SETD6: variants seen among roughly 807,000 people sequenced by gnomAD.
SETD6 encodes SET domain containing 6, protein lysine methyltransferase.
SETD6 carries 67 observed loss-of-function variants against 52.7 expected under a neutral mutation model. The observed-to-expected ratio is 1.27, with a 90% CI of 1.04 to 1.56. The LOEUF (loss-of-function observed/expected upper bound fraction) is 1.56, where lower values mean the gene tolerates loss of function less well. Ranked by LOEUF, SETD6 falls within the 40% of genes most tolerant of loss-of-function variation. The pLI is 0.00. For synonymous variants in SETD6, 307 were observed against 250.2 expected (o/e 1.23, Z -2.14); for missense variants, 712 against 607.5 (o/e 1.17, Z -1.81).
In SETD6 at chr16:58,518,784, G is replaced by T. The variant is rs754049874; in HGVS notation, c.1177G>T (p.Asp393Tyr). The change falls in exon 8 of 8, where the codon GAT (aspartate) becomes TAT (tyrosine). Residue 393 changes from aspartate (D) to tyrosine (Y), a missense_variant. Coordinates refer to ENST00000219315, the MANE Select transcript of SETD6 (RefSeq NM_001160305.4). ...ELKDQDGGGD[D>Y]KREEGSLTIT... is the part of the protein sequence containing the mutation. Reference sequence around the variant, plus strand: ...TAAAGACCAGGATGGAGGGGGAGATGATAAAAGGGAAGAGGGCAGCCTGAC... The same window carrying T: ...TAAAGACCAGGATGGAGGGGGAGATTATAAAAGGGAAGAGGGCAGCCTGAC... 6.2e-7 allele frequency: 1 copy of T among 1,614,144 alleles called. No individual in the cohort carries two copies. The highest frequency in any genetic ancestry group is 1.7e-5 in the Admixed American group (1 of 60,024).
In SETD6 at chr16:58,521,581, G is replaced by GTCA. The variant is rs1408875065; in HGVS notation, c.*2552_*2553insTCA. ...TACCTCACAGCTGTTCAGAATAAGG[G>GTCA]GTGATGGGGGAGAGGAAGCCACATA... On this transcript the variant is annotated 3_prime_UTR_variant, in exon 8 of 8. Coordinates refer to ENST00000219315, the MANE Select transcript of SETD6 (RefSeq NM_001160305.4). Among the ~76,000 whole-genome samples the GTCA allele has an allele frequency of 4.6e-5, 7 of 152,158 alleles. No homozygotes were observed. The highest frequency in any genetic ancestry group is 8.8e-5 in the Non-Finnish European group (6 of 68,034).
In SETD6 at chr16:58,519,032, G is replaced by GTTTCGCTGTTCCTT. The variant is rs1207871937; in HGVS notation, c.*7_*8insGCTGTTCCTTTTTC. The stretch of plus-strand genomic sequence containing the variant: ...AGTTGTTGGAGCTGACAAGTTAGCA[G>GTTTCGCTGTTCCTT]TTTCCCTGTTCCCTGAAGGAACAGC... On this transcript the variant is annotated 3_prime_UTR_variant, in exon 8 of 8. Transcript: ENST00000219315. The GTTTCGCTGTTCCTT allele has an allele frequency of 1.2e-6, 2 of 1,605,228 alleles. No individual in the cohort carries two copies. The highest frequency in any genetic ancestry group is 8.5e-7 in the Non-Finnish European group (1 of 1,174,992).
Position 58,522,767 on chromosome 16 carries a change from G to A in SETD6, c.*3738G>A, listed in dbSNP as rs1555492850. On this transcript the variant is annotated 3_prime_UTR_variant, in exon 8 of 8. Transcript: ENST00000219315. ...GACTGGTTATCACCACCACCTCAGA[G>A]AAACTCCTGACCTTTAATCAAAATG... Among the ~76,000 whole-genome samples, 1 of 152,202 alleles carries A rather than the reference G, an allele frequency of 6.6e-6. No individual in the cohort carries two copies. The highest frequency in any genetic ancestry group is 1.5e-5 in the Non-Finnish European group (1 of 68,044).
chr16:58,522,062 G>A lies in SETD6; in HGVS notation c.*3033G>A, dbSNP rs1471586195. On this transcript the variant is annotated 3_prime_UTR_variant, in exon 8 of 8. Coordinates refer to ENST00000219315, the MANE Select transcript of SETD6 (RefSeq NM_001160305.4). ...AGGCTGGGCACAGTGACTCACGCCT[G>A]TAATCCCAGCACTCTGGGAGGCCAA... is the stretch of plus-strand genomic sequence containing the variant. 6.6e-6 allele frequency among the ~76,000 whole-genome samples: 1 copy of A among 151,730 alleles called. No individual in the cohort carries two copies. The highest frequency in any genetic ancestry group is 2.4e-5 in the African/African-American group (1 of 41,300).
At position 58,515,816 on chromosome 16, in the gene SETD6, A is replaced by G; in HGVS notation, c.53A>G (p.Asp18Gly). ...PRVAGPVDGG[D>G]LDPVACFLSW... The stretch of plus-strand genomic sequence containing the variant: ...GTGGCGGGGCCCGTGGACGGCGGCG[A>G]CCTGGATCCTGTGGCCTGCTTCCTG... The change falls in exon 2 of 8, where the codon GAC becomes GGC. Residue 18 changes from aspartate (D) to glycine (G), a missense_variant. Transcript: ENST00000219315. 6.5e-7 allele frequency: 1 copy of G among 1,530,830 alleles called. No homozygotes were observed. The highest frequency in any genetic ancestry group is 2.6e-5 in the East Asian group (1 of 38,824). The allele number at this position is 1,530,830 out of a possible 1,614,324, so 94.8% of individuals were successfully genotyped here.
chr16:58,519,145 G>A lies in SETD6; in HGVS notation c.*116G>A. The A allele has an allele frequency of 9.3e-7, 1 of 1,073,958 alleles. No homozygotes were observed. The highest frequency in any genetic ancestry group is 2.6e-5 in the East Asian group (1 of 38,460). 66.5% of individuals were successfully genotyped at this position (1,073,958 alleles called of 1,614,324 possible). On this transcript the variant is annotated 3_prime_UTR_variant, in exon 8 of 8. Transcript: ENST00000219315. ...TTCTTTTGCTTACTAAACACCAAGA[G>A]GAAAAGTAGCAAAGTTGGTGTGCTA...
At position 58,516,039 on chromosome 16, in the gene SETD6, G is replaced by A. The variant is rs1271658201; in HGVS notation, c.276G>A (p.Val92=). The A allele has an allele frequency of 2.6e-6, 4 of 1,517,148 alleles. No individual in the cohort carries two copies. The Admixed American group carries it at 8.3e-5, about 32-fold the overall frequency. 94.0% of individuals were successfully genotyped at this position (1,517,148 alleles called of 1,614,324 possible). A position where few individuals can be genotyped will look rare whatever the true frequency, so the allele number is the denominator to read the frequency against. ...SVQAGELLFV[V]PRAALLSQHT... ...AGGCCGGAGAGCTGTTGTTCGTGGTGCCGCGGGCCGCGCTCCTGTCGCAGC... is the reference window on the plus strand; with the variant it reads ...AGGCCGGAGAGCTGTTGTTCGTGGTACCGCGGGCCGCGCTCCTGTCGCAGC... Residue 92 remains valine, a synonymous_variant, in exon 2 of 8, where the codon GTG becomes GTA. Coordinates refer to ENST00000219315, the MANE Select transcript of SETD6 (RefSeq NM_001160305.4).
intron 5 of SETD6, chr16:58,517,311 C>T (rs1212721699): frequency 6.3e-6 from 2 of 317,736 alleles, no homozygotes; most frequent in Non-Finnish European, 1.2e-5. Flanking sequence ...GGCCAAAGGT[C>T]TAAGACGATC....
rs1344664449 is a variant in SETD6 at position 58,518,880 on chromosome 16, C to T, written c.1273C>T (p.Gln425Ter). Residue 425 changes from glutamine to a stop codon, truncating the protein, a stop_gained, in exon 8 of 8, where the codon CAG (glutamine) becomes TAG (stop). Coordinates refer to ENST00000219315, the MANE Select transcript of SETD6 (RefSeq NM_001160305.4). LOFTEE classifies it high-confidence loss of function. Reference protein sequence around the residue: ...LLQNSVLLTLQTYATDLKTDQ... With the variant: ...LLQNSVLLTL ...TCAAAACAGTGTTCTACTGACTTTG[C>T]AGACCTATGCCACAGACTTAAAAAC... 4 of 1,614,082 alleles carry T rather than the reference C, an allele frequency of 2.5e-6. No homozygotes were observed. In the East Asian group the frequency reaches 6.7e-5, roughly 27 times the overall value.
Position 58,523,362 on chromosome 16 carries a change from T to A in SETD6, c.*4333T>A. The A allele has an allele frequency of 6.4e-7, 1 of 1,567,024 alleles. No individual in the cohort carries two copies. Among genetic ancestry groups the A allele is most frequent in the Non-Finnish European group, 8.6e-7 (1 of 1,156,554 alleles). ...TTGAAGCATTTAAAAAATAAGCTGC[T>A]CGCTTACCTTGTGATCTGTTCTTGG... On this transcript the variant is annotated 3_prime_UTR_variant, in exon 8 of 8. Transcript: ENST00000219315.
At chr16:58,517,864 T>G in intron 5 of SETD6, 187 bp from the exon 6 acceptor site, 1 of 673,620 alleles carries the variant, frequency 1.5e-6, no homozygotes, top group South Asian at 1.9e-5. Flanking sequence ...GCTGGCCTTT[T>G]AAAGTTAGCC....
rs7792 is a variant in SETD6, at chr16:58,520,237, G to T, written c.*1208G>T. On this transcript the variant is annotated 3_prime_UTR_variant, in exon 8 of 8. Transcript: ENST00000219315. ...GTTTTTAAGTTTCAGGAGAGGATTG[G>T]GGGGGTGAGGGTAGGGGTGGGCTTT... 0.65 allele frequency: 97,961 copies of T among 151,446 alleles called. 32,789 individuals are homozygous for T. The highest frequency in any genetic ancestry group is 0.97 in the East Asian group (4,973 of 5,140). 9.4% of individuals were successfully genotyped at this position (151,446 alleles called of 1,614,324 possible).
chr16:58,517,047 C>G (rs777458084), intron 5 of SETD6, 119 bp downstream of exon 5: 2 of 1,404,758 alleles, frequency 1.4e-6, no homozygotes, highest in South Asian at 2.3e-5. Flanking sequence ...CCTGTATGTC[C>G]TTTTAGTATG....
At position 58,523,691 on chromosome 16, in the gene SETD6, A is replaced by T; in HGVS notation, c.*4662A>T. On this transcript the variant is annotated 3_prime_UTR_variant, in exon 8 of 8. Coordinates refer to ENST00000219315, the MANE Select transcript of SETD6 (RefSeq NM_001160305.4). Reference sequence around the variant, plus strand: ...TTATTTCAGAATTTTCCACATTAGAAATTAGATTTTAAAAATATTCATTTT... The same window carrying T: ...TTATTTCAGAATTTTCCACATTAGATATTAGATTTTAAAAATATTCATTTT... 1 of 467,188 alleles carries T rather than the reference A, an allele frequency of 2.1e-6. No homozygotes were observed. Among genetic ancestry groups the T allele is most frequent in the South Asian group, 4.7e-5 (1 of 21,166 alleles). 28.9% of individuals were successfully genotyped at this position (467,188 alleles called of 1,614,324 possible).
Position 58,518,395 on chromosome 16 carries a change from C to T in SETD6, c.974-6C>T. 6.3e-7 allele frequency: 1 copy of T among 1,580,322 alleles called. No homozygotes were observed. Among genetic ancestry groups the T allele is most frequent in the Non-Finnish European group, 8.6e-7 (1 of 1,168,498 alleles). Reference sequence around the variant, plus strand: ...TGAGACTTTCACATTGCTGTTTCATCTACAGGAACAAAAACTGAAGCTGAA... The same window carrying T: ...TGAGACTTTCACATTGCTGTTTCATTTACAGGAACAAAAACTGAAGCTGAA... On this transcript the variant is annotated splice_region_variant and splice_polypyrimidine_tract_variant and intron_variant, in intron 6 of 7. Transcript: ENST00000219315.
Position 58,523,252 on chromosome 16 carries a change from C to CAA in SETD6, c.*4232_*4233dup. The CAA allele has an allele frequency of 7.2e-5, 74 of 1,027,056 alleles. No individual in the cohort carries two copies. Among genetic ancestry groups the CAA allele is most frequent in the Admixed American group, 9.6e-5 (3 of 31,116 alleles). The allele number at this position is 1,027,056 out of a possible 1,614,324, so 63.6% of individuals were successfully genotyped here. ...AGAGCAACACTCCGTCTCAAAAAAA[C>CAA]AAAAAAAAAACCAACCAAACGGATT... On this transcript the variant is annotated 3_prime_UTR_variant, in exon 8 of 8. Transcript: ENST00000219315.
Position 58,520,839 on chromosome 16 carries a change from T to C in SETD6, c.*1810T>C. 2.0e-6 allele frequency: 2 copies of C among 1,012,024 alleles called. No homozygotes were observed. The highest frequency in any genetic ancestry group is 3.0e-6 in the Non-Finnish European group (2 of 662,720). 62.7% of individuals were successfully genotyped at this position (1,012,024 alleles called of 1,614,324 possible). A position where few individuals can be genotyped will look rare whatever the true frequency, so the allele number is the denominator to read the frequency against. On this transcript the variant is annotated 3_prime_UTR_variant, in exon 8 of 8. Transcript: ENST00000219315. The stretch of plus-strand genomic sequence containing the variant: ...TGATCCCAACAGTAGTTGGGGCAGA[T>C]ACCCACAAACCAAAGGGCTGGGAAA...
upstream of SETD6, chr16:58,515,502 G>T: frequency 6.4e-7 from 1 of 1,571,300 alleles, no homozygotes. Flanking sequence ...GTGACCGCGC[G>T]GTGCGCCGGC....
In SETD6 at chr16:58,517,785, G is replaced by T. The variant is rs557667002; in HGVS notation, c.793-266G>T. ...GCCACTGCGCCTGGCCGAAAATTTC[G>T]TTTTTAAAGCTAGCAACTTTTTAAG... On this transcript the variant is annotated intron_variant, in intron 5 of 7. Transcript: ENST00000219315. The T allele has an allele frequency of 7.7e-3, 3,925 of 512,442 alleles. 193 individuals carry two copies. The South Asian group carries it at 0.081, about 11-fold the overall frequency. The allele number at this position is 512,442 out of a possible 1,614,324, so 31.7% of individuals were successfully genotyped here.
Sources: allele counts gnomAD v4.1 joint callset (sites outside exome capture counted in the v4.1 genomes callset), GRCh38; gene constraint gnomAD v4.1.1; transcripts MANE v1.5; gene names NCBI Gene and HGNC (gene_info 2026-07-23, HGNC 2026-07-21).